Variants in PLCL1 observed in about 807,000 individuals in gnomAD.
PLCL1 encodes phospholipase C like 1 (inactive), also known as inactive phospholipase C-like protein 1.
A neutral mutation model predicts 84.4 loss-of-function variants in PLCL1; 41 were observed. The ratio of observed to expected loss-of-function variants is 0.49; its 90% CI spans 0.38 to 0.63. PLCL1 has a LOEUF of 0.63. Ranked by LOEUF, PLCL1 falls within the 30% of genes least tolerant of loss-of-function variation. The pLI is 0.00. For synonymous variants in PLCL1, 490 were observed against 488.3 expected (o/e 1.00, Z -0.05); for missense variants, 1,206 against 1,367.8 (o/e 0.88, Z 1.87).
At chr2:197,822,885 G>A (rs554223023) in intron 1 of PLCL1, among the ~76,000 whole-genome samples, 2 of 152,230 alleles carry the variant, frequency 1.3e-5, no homozygotes, top group South Asian at 4.1e-4. Context: ...GTTCAGCAAA[G>A]TTGTCTTTAT....
chr2:198,049,297 G>A lies in PLCL1; in HGVS notation c.241-34461G>A, dbSNP rs1446221726. Among the ~76,000 whole-genome samples the A allele has an allele frequency of 2.6e-5, 4 of 152,226 alleles. No homozygotes were observed. The East Asian group carries it at 7.7e-4, about 29-fold the overall frequency. ...CATAAATCCTCTCTCATAATAGACAGCACCTGTAGCCTTTTGACCCTTTGT... is the reference window on the plus strand; with the variant it reads ...CATAAATCCTCTCTCATAATAGACAACACCTGTAGCCTTTTGACCCTTTGT... On this transcript the variant is annotated intron_variant, in intron 1 of 5. Transcript: ENST00000428675.
chr2:197,982,511 G>A (rs914678669), intron 1 of PLCL1, among the ~76,000 whole-genome samples: 1 of 151,988 alleles, frequency 6.6e-6, no homozygotes, highest in Non-Finnish European at 1.5e-5. Flanking sequence ...TGTTTCACTT[G>A]GTACTAGATC....
chr2:197,942,910 T>C (rs1689188909), intron 1 of PLCL1, among the ~76,000 whole-genome samples: 1 of 152,126 alleles, frequency 6.6e-6, no homozygotes, highest in African/African-American at 2.4e-5. Flanking sequence ...GTAATCCCCT[T>C]ATAATAGAAT....
At chr2:198,102,615 G>A (rs1693374142) in intron 4 of PLCL1, among the ~76,000 whole-genome samples, 1 of 152,106 alleles carries the variant, frequency 6.6e-6, no homozygotes, top group Non-Finnish European at 1.5e-5. Context: ...AGGAAACTGG[G>A]CAATGCAGTG....
At chr2:197,882,406 A>T (rs542319202) in intron 1 of PLCL1, among the ~76,000 whole-genome samples, 1 of 152,294 alleles carries the variant, frequency 6.6e-6, no homozygotes, top group African/African-American at 2.4e-5. Context: ...TTAAAAATTT[A>T]TGGGAAGGAC....
chr2:197,935,810 T>C (rs917468749), intron 1 of PLCL1, among the ~76,000 whole-genome samples: 1 of 152,152 alleles, frequency 6.6e-6, no homozygotes, highest in Non-Finnish European at 1.5e-5. Context: ...TACCATATGT[T>C]ATTACAGACC....
At chr2:197,992,188 A>G (rs1308197529) in intron 1 of PLCL1, among the ~76,000 whole-genome samples, 1 of 152,122 alleles carries the variant, frequency 6.6e-6, no homozygotes, top group East Asian at 1.9e-4. Flanking sequence ...AACATTAGGT[A>G]TATCTCCCAA....
rs1164743447 is a variant in PLCL1 at position 198,084,069 on chromosome 2, C to T, written c.552C>T (p.Ile184=). Residue 184 remains isoleucine (I), a synonymous_variant, in exon 2 of 6, where the codon ATC becomes ATT. Transcript: ENST00000428675. ...TFRNNGLADQ[I]CEDCAFSILH... ...GAAACAATGGCCTTGCTGACCAGAT[C>T]TGTGAGGACTGTGCCTTTTCCATAC... 4 of 1,614,192 alleles carry T rather than the reference C, an allele frequency of 2.5e-6. No homozygotes were observed. The highest frequency in any genetic ancestry group is 2.2e-5 in the South Asian group (2 of 91,088).
At chr2:197,974,409 G>GA (rs1160617565) in intron 1 of PLCL1, among the ~76,000 whole-genome samples, 4 of 151,852 alleles carry the variant, frequency 2.6e-5, no homozygotes, top group Non-Finnish European at 5.9e-5. Flanking sequence ...TTTCAGTCAG[G>GA]AAAAAAAAGA....
intron 1 of PLCL1, among the ~76,000 whole-genome samples, chr2:197,989,959 C>T (rs564892728): frequency 6.6e-6 from 1 of 152,254 alleles, no homozygotes; most frequent in Admixed American, 6.5e-5. Context: ...ATAGTGCCTA[C>T]TGGTAATAGA....
chr2:197,922,621 G>A (rs1688726596), intron 1 of PLCL1, among the ~76,000 whole-genome samples: 1 of 141,710 alleles, frequency 7.1e-6, no homozygotes, highest in African/African-American at 2.6e-5. Flanking sequence ...TCCCGGACGG[G>A]GCGGCTGGCC....
intron 1 of PLCL1, among the ~76,000 whole-genome samples, chr2:197,910,609 C>G (rs897051811): frequency 3.9e-5 from 6 of 152,234 alleles, no homozygotes; most frequent in African/African-American, 4.8e-5. Context: ...GAAGCAGAAT[C>G]TTCATCCTAT....
intron 1 of PLCL1, among the ~76,000 whole-genome samples, chr2:198,079,006 T>C (rs984563816): frequency 2.0e-5 from 3 of 152,050 alleles, no homozygotes; most frequent in Non-Finnish European, 1.5e-5. Context: ...TCAGTATACT[T>C]TTTCCTGAAT....
chr2:198,066,599 T>C (rs771967637), intron 1 of PLCL1, among the ~76,000 whole-genome samples: 4 of 152,220 alleles, frequency 2.6e-5, no homozygotes, highest in Non-Finnish European at 4.4e-5. Flanking sequence ...TATTTTTTCT[T>C]TTGAAAATGT....
intron 1 of PLCL1, among the ~76,000 whole-genome samples, chr2:197,964,117 T>G (rs1331144093): frequency 6.6e-6 from 1 of 152,146 alleles, no homozygotes; most frequent in East Asian, 1.9e-4. Context: ...ATTTTAGGAT[T>G]GTTTTCTCTC....
At chr2:198,117,715 A>G (rs1251784852) in intron 5 of PLCL1, among the ~76,000 whole-genome samples, 2 of 151,930 alleles carry the variant, frequency 1.3e-5, no homozygotes, top group African/African-American at 4.8e-5. Context: ...GCTAGCGTAT[A>G]AAGTCTTGTA....
At chr2:198,068,801 C>T (rs924989844) in intron 1 of PLCL1, among the ~76,000 whole-genome samples, 1 of 152,160 alleles carries the variant, frequency 6.6e-6, no homozygotes, top group Non-Finnish European at 1.5e-5. Flanking sequence ...GTGGACGGAT[C>T]ATCTGAGGTC....
chr2:198,088,962 T>A lies in PLCL1; in HGVS notation c.2820T>A (p.Thr940=). The A allele has an allele frequency of 6.2e-7, 1 of 1,612,224 alleles. No individual in the cohort carries two copies. Among genetic ancestry groups the A allele is most frequent in the South Asian group, 1.1e-5 (1 of 91,042 alleles). ...CTCGGCTCATCACCAGTGACAATAC[T>A]CCTTCAGTCTCACTTGTGATGAAAG... ...LSSRLITSDN[T]PSVSLVMKDS... is the part of the protein sequence containing the mutation. Residue 940 remains threonine, a synonymous_variant, in exon 3 of 6, where the codon ACT becomes ACA. Transcript: ENST00000428675.
At chr2:198,074,350 AC>A (rs1285098560) in intron 1 of PLCL1, among the ~76,000 whole-genome samples, 1 of 152,098 alleles carries the variant, frequency 6.6e-6, no homozygotes, top group Non-Finnish European at 1.5e-5. Flanking sequence ...CTCCAATAAC[AC>A]TCTATGATAA....
Sources: allele counts gnomAD v4.1 joint callset (sites outside exome capture counted in the v4.1 genomes callset), GRCh38; gene constraint gnomAD v4.1.1; transcripts MANE v1.5; gene names NCBI Gene and HGNC (gene_info 2026-07-23, HGNC 2026-07-21).